Variants in GAD2 observed in about 807,000 individuals in gnomAD.
The protein encoded by GAD2 is glutamate decarboxylase 2.
Under a neutral mutation model 80.1 loss-of-function variants are expected in GAD2, and 22 were observed. That is an observed-to-expected ratio of 0.27 (90% CI 0.20 to 0.39). GAD2 has a LOEUF of 0.39. GAD2 is among the 10% of genes least tolerant of loss of function. The pLI is 1.00. For synonymous variants in GAD2, 274 were observed against 256.9 expected (o/e 1.07, Z -0.64); for missense variants, 624 against 738.4 (o/e 0.85, Z 1.80).
chr10:26,276,457 C>CT (rs59350339), intron 11 of GAD2, among the ~76,000 whole-genome samples: 42,579 of 151,996 alleles, frequency 0.28, 7,657 homozygotes, highest in African/African-American at 0.51. Context: ...TCTTGCCTCA[C>CT]TGCAACCTCT....
intron 11 of GAD2, 69 bp from the exon 12 acceptor site, chr10:26,280,940 G>A: frequency 1.1e-6 from 1 of 931,710 alleles, no homozygotes; most frequent in Non-Finnish European, 1.8e-6. Flanking sequence ...AGAAACTGAA[G>A]CTCAGTTGCG....
chr10:26,276,683 G>A (rs575581610), intron 11 of GAD2, among the ~76,000 whole-genome samples: 2 of 152,250 alleles, frequency 1.3e-5, no homozygotes, highest in African/African-American at 4.8e-5. Context: ...CCACCGCGCC[G>A]GCTTCTGTGC....
At chr10:26,271,949 G>A (rs1013312491) in intron 10 of GAD2, among the ~76,000 whole-genome samples, 1 of 152,028 alleles carries the variant, frequency 6.6e-6, no homozygotes, top group Non-Finnish European at 1.5e-5. Flanking sequence ...TAGTAGAGAT[G>A]GGATTTCTCC....
chr10:26,278,815 G>T (rs904517359), intron 11 of GAD2, among the ~76,000 whole-genome samples: 2 of 151,720 alleles, frequency 1.3e-5, no homozygotes, highest in South Asian at 2.1e-4. Flanking sequence ...TAGACTATTC[G>T]TTGGCCCAGA....
intron 15 of GAD2, among the ~76,000 whole-genome samples, chr10:26,299,746 A>G (rs1055947633): frequency 2.0e-5 from 3 of 152,242 alleles, no homozygotes; most frequent in South Asian, 2.1e-4. Flanking sequence ...GTCAGAATCT[A>G]TGGGGAAGGA....
At chr10:26,241,029 G>C (rs1844735670) in intron 7 of GAD2, among the ~76,000 whole-genome samples, 1 of 151,888 alleles carries the variant, frequency 6.6e-6, no homozygotes. Context: ...GCGACAGAGT[G>C]AGACTCCGTC....
intron 7 of GAD2, among the ~76,000 whole-genome samples, chr10:26,232,273 T>C (rs1286417741): frequency 6.6e-6 from 1 of 152,114 alleles, no homozygotes; most frequent in East Asian, 1.9e-4. Context: ...CCAAGCTGCG[T>C]CCACAAGTTA....
rs571802524 is a variant in GAD2 at position 26,233,768 on chromosome 10, A to G, written c.840+3991A>G. On this transcript the variant is annotated intron_variant, in intron 7 of 15. Transcript: ENST00000376261. ...AATGCCTTTTCTCCGGCTAGACAACATCAATCTTGGCATGGAGGCTTCTTT... is the reference window on the plus strand; with the variant it reads ...AATGCCTTTTCTCCGGCTAGACAACGTCAATCTTGGCATGGAGGCTTCTTT... Among the ~76,000 whole-genome samples the G allele has an allele frequency of 4.6e-5, 7 of 152,336 alleles. No homozygotes were observed. In the South Asian group the frequency reaches 1.4e-3, roughly 32 times the overall value.
intron 7 of GAD2, among the ~76,000 whole-genome samples, chr10:26,238,288 C>T (rs1218296407): frequency 1.3e-5 from 2 of 152,162 alleles, no homozygotes. Context: ...AATCATGGCT[C>T]AGCATGAGAA....
chr10:26,240,552 C>CA (rs1166071693), intron 7 of GAD2, among the ~76,000 whole-genome samples: 1 of 151,680 alleles, frequency 6.6e-6, no homozygotes, highest in Admixed American at 6.6e-5. Context: ...GCCAACACAG[C>CA]AAAAACCCAT....
chr10:26,271,102 C>T (rs1262687528), intron 10 of GAD2, among the ~76,000 whole-genome samples: 1 of 152,118 alleles, frequency 6.6e-6, no homozygotes. Context: ...TCCTCACTTA[C>T]CAGAATGGTC....
chr10:26,234,324 TCAAAAAAAAAAGA>T (rs1844643138), intron 7 of GAD2, among the ~76,000 whole-genome samples: 1 of 117,704 alleles, frequency 8.5e-6, no homozygotes, highest in African/African-American at 3.4e-5. Flanking sequence ...TGAGACTCCG[TCAAAAAAAAAAGA>T]CAAAAAAAAA....
At chr10:26,246,255 G>C (rs1022979221) in intron 8 of GAD2, among the ~76,000 whole-genome samples, 1 of 152,134 alleles carries the variant, frequency 6.6e-6, no homozygotes, top group Non-Finnish European at 1.5e-5. Flanking sequence ...TCTACACCAA[G>C]AAAGTGCAGA....
chr10:26,216,498 C>G (rs551109315), upstream of GAD2: 7 of 236,984 alleles, frequency 3.0e-5, no homozygotes, highest in Non-Finnish European at 4.8e-5. The surrounding 1 kb of genome is among the most constrained non-coding windows in gnomAD (Gnocchi z 4.7). Flanking sequence ...CCCTCAAATG[C>G]TCTGGGGCTC....
intron 12 of GAD2, among the ~76,000 whole-genome samples, chr10:26,284,681 C>T (rs554509467): frequency 6.7e-6 from 1 of 149,032 alleles, no homozygotes; most frequent in South Asian, 2.1e-4. Flanking sequence ...AAGCGATTCT[C>T]CTGCCTCAGC....
At chr10:26,216,755 G>GGCAGCTCGCCC (rs1844376283), upstream of GAD2, 13 of 1,526,708 alleles carry the variant, frequency 8.5e-6, no homozygotes, top group Admixed American at 5.2e-5. This position sits in a 1 kb window ranked among gnomAD's most constrained non-coding sequence, Gnocchi z 4.7. Flanking sequence ...CCAAGCCCGA[G>GGCAGCTCGCCC]GCAGCTCGCC....
At chr10:26,299,603 G>C (rs1285807616) in intron 15 of GAD2, among the ~76,000 whole-genome samples, 1 of 152,176 alleles carries the variant, frequency 6.6e-6, no homozygotes, top group Non-Finnish European at 1.5e-5. Flanking sequence ...CATGAACCAA[G>C]CACTGTGCTG....
At chr10:26,238,900 G>T (rs979351045) in intron 7 of GAD2, among the ~76,000 whole-genome samples, 3 of 152,172 alleles carry the variant, frequency 2.0e-5, no homozygotes, top group East Asian at 1.9e-4. Flanking sequence ...ATAGGAGCAA[G>T]CGAATGGAGG....
At chr10:26,239,717 G>A (rs1280951655) in intron 7 of GAD2, among the ~76,000 whole-genome samples, 2 of 152,174 alleles carry the variant, frequency 1.3e-5, no homozygotes, top group Non-Finnish European at 2.9e-5. Context: ...ATCTCTGTGT[G>A]GAGGTGATAT....
Sources: allele counts gnomAD v4.1 joint callset (sites outside exome capture counted in the v4.1 genomes callset), GRCh38; gene constraint gnomAD v4.1.1; non-coding constraint Gnocchi (gnomAD v3.1); transcripts MANE v1.5; gene names NCBI Gene and HGNC (gene_info 2026-07-23, HGNC 2026-07-21).